Variants in IFT25 observed in about 807,000 individuals in gnomAD.
IFT25 encodes intraflagellar transport 25.
chr1:53,931,758 T>A, the IFT25 span, among the ~76,000 whole-genome samples: 1 of 152,212 alleles, frequency 6.6e-6, no homozygotes, highest in African/African-American at 2.4e-5. Flanking sequence ...CTAATCTTGT[T>A]AGAGGTTTAT....
chr1:53,927,409 T>C, the IFT25 span, among the ~76,000 whole-genome samples: 1 of 152,218 alleles, frequency 6.6e-6, no homozygotes, highest in Non-Finnish European at 1.5e-5. Flanking sequence ...GGAAGGAGGC[T>C]GGTGTTCCCA....
the IFT25 span, among the ~76,000 whole-genome samples, chr1:53,939,306 A>C: frequency 1.3e-5 from 2 of 149,200 alleles, no homozygotes; most frequent in South Asian, 2.1e-4. Flanking sequence ...CAGGAGAATC[A>C]CTTGAACCTG....
the IFT25 span, among the ~76,000 whole-genome samples, chr1:53,915,982 C>G: frequency 2.6e-5 from 4 of 151,998 alleles, no homozygotes; most frequent in African/African-American, 9.7e-5. Context: ...CCTGGGAGCT[C>G]GAGACTAGCC....
At chr1:53,916,523 TAC>T in the IFT25 span, 1 of 159,876 alleles carries the variant, frequency 6.3e-6, no homozygotes, top group Non-Finnish European at 1.4e-5. Context: ...CAGTGTTTCT[TAC>T]ACAAAGAGTT....
chr1:53,937,219 C>T, the IFT25 span, among the ~76,000 whole-genome samples: 3 of 152,150 alleles, frequency 2.0e-5, no homozygotes, highest in East Asian at 1.9e-4. Flanking sequence ...TGGGTTCAAG[C>T]GATTCTCGTG....
chr1:53,921,043 T>C, the IFT25 span, among the ~76,000 whole-genome samples: 2 of 152,100 alleles, frequency 1.3e-5, no homozygotes, highest in Non-Finnish European at 2.9e-5. Flanking sequence ...CATGGCGTTA[T>C]GCACCTGTAG....
At chr1:53,915,572 A>C in the IFT25 span, among the ~76,000 whole-genome samples, 1 of 152,220 alleles carries the variant, frequency 6.6e-6, no homozygotes, top group Non-Finnish European at 1.5e-5. Flanking sequence ...TAACCTAAGA[A>C]AAGAAGAAAA....
the IFT25 span, among the ~76,000 whole-genome samples, chr1:53,926,480 A>G: frequency 3.9e-5 from 6 of 152,200 alleles, no homozygotes; most frequent in Admixed American, 3.9e-4. Context: ...CTAAATAATA[A>G]TTCTTTATAT....
At chr1:53,918,200 G>C in the IFT25 span, among the ~76,000 whole-genome samples, 3 of 152,270 alleles carry the variant, frequency 2.0e-5, no homozygotes, top group Admixed American at 6.5e-5. Flanking sequence ...ATACTGAAAA[G>C]AATGTAAATA....
chr1:53,933,222 C>T, the IFT25 span, among the ~76,000 whole-genome samples: 1 of 151,508 alleles, frequency 6.6e-6, no homozygotes, highest in Non-Finnish European at 1.5e-5. Flanking sequence ...GCAAGCTCCG[C>T]CTCCCGGGTT....
chr1:53,945,929 C>A, the IFT25 span: 1 of 145,592 alleles, frequency 6.9e-6, no homozygotes, highest in African/African-American at 2.7e-5. Context: ...CGCTCCTACC[C>A]CGAGCTTTTC....
At chr1:53,928,313 G>A in the IFT25 span, 1 of 1,301,618 alleles carries the variant, frequency 7.7e-7, no homozygotes, top group East Asian at 2.3e-5. Flanking sequence ...GAGAAATGCA[G>A]AATCAAAGGA....
chr1:53,916,907 T>A, the IFT25 span: 2 of 382,928 alleles, frequency 5.2e-6, no homozygotes, highest in Non-Finnish European at 9.2e-6. Context: ...TTTGGGAGGC[T>A]GAGGTGGGCA....
the IFT25 span, among the ~76,000 whole-genome samples, chr1:53,927,682 G>A: frequency 3.8e-4 from 58 of 152,276 alleles, no homozygotes; most frequent in African/African-American, 1.4e-3. Context: ...ACTTCCCATG[G>A]CACCTGTTGC....
chr1:53,942,584 TG>T, the IFT25 span, among the ~76,000 whole-genome samples: 2 of 152,312 alleles, frequency 1.3e-5, no homozygotes, highest in South Asian at 4.1e-4. Context: ...TGCCAACCTC[TG>T]ATCTGATAAA....
At chr1:53,917,895 A>C in the IFT25 span, among the ~76,000 whole-genome samples, 10 of 152,156 alleles carry the variant, frequency 6.6e-5, no homozygotes, top group Non-Finnish European at 1.3e-4. Context: ...CGATCCACAC[A>C]TGGCATGTGG....
At chr1:53,918,405 C>T in the IFT25 span, among the ~76,000 whole-genome samples, 6 of 152,180 alleles carry the variant, frequency 3.9e-5, no homozygotes, top group Non-Finnish European at 8.8e-5. Context: ...CTGTGTAGAA[C>T]ATTGTTGGTC....
chr1:53,916,598 A>C, the IFT25 span: 2 of 233,832 alleles, frequency 8.6e-6, no homozygotes, highest in Non-Finnish European at 1.6e-5. Context: ...TTTATTGAAC[A>C]TGAACACAAT....
chr1:53,913,661 G>A, the IFT25 span, among the ~76,000 whole-genome samples: 1 of 152,044 alleles, frequency 6.6e-6, no homozygotes, highest in South Asian at 2.1e-4. Context: ...GGATTGAATT[G>A]TGCCCCTCTA....
Sources: allele counts gnomAD v4.1 joint callset (sites outside exome capture counted in the v4.1 genomes callset), GRCh38; gene constraint gnomAD v4.1.1; transcripts MANE v1.5; gene names NCBI Gene and HGNC (gene_info 2026-07-23, HGNC 2026-07-21).